The following CNRIP1 variants were observed in gnomAD, a reference collection of about 807,000 sequenced individuals.
CNRIP1 encodes the protein cannabinoid receptor interacting protein 1, also known as CB1 cannabinoid receptor-interacting protein 1.
A neutral mutation model predicts 15.2 loss-of-function variants in CNRIP1; 10 were observed. The observed-to-expected ratio is 0.66, with a 90% CI of 0.41 to 1.12. CNRIP1 has a LOEUF of 1.12. Ranked by LOEUF, CNRIP1 falls within the 50% of genes most tolerant of loss-of-function variation. The probability of loss-of-function intolerance (pLI) is 0.00; values close to 1 mark genes in which losing one functional copy is unlikely to be tolerated. For synonymous variants in CNRIP1, 91 were observed against 83.2 expected (o/e 1.09, Z -0.51); for missense variants, 211 against 214.7 (o/e 0.98, Z 0.11).
Position 68,293,739 on chromosome 2 carries a change from G to GTA in CNRIP1, c.*121_*122dup. On this transcript the variant is annotated 3_prime_UTR_variant, in exon 3 of 3. Transcript: ENST00000263655. Reference sequence around the variant, plus strand: ...TACACTTTCAAAATAACCAGGGCTAGTAGGTCATTAGTACCAGATGGGGAA... The same window carrying GTA: ...TACACTTTCAAAATAACCAGGGCTAGTATAGGTCATTAGTACCAGATGGGGAA... 1 of 1,489,100 alleles carries GTA rather than the reference G, an allele frequency of 6.7e-7. No homozygotes were observed. The highest frequency in any genetic ancestry group is 1.4e-5 in the South Asian group (1 of 71,572). 92.2% of individuals were successfully genotyped at this position (1,489,100 alleles called of 1,614,324 possible).
rs188750926 is a variant in CNRIP1 at position 68,319,723 on chromosome 2, G to A, written c.-323C>T. On this transcript the variant is annotated 5_prime_UTR_variant, in exon 1 of 3. Coordinates refer to ENST00000263655, the MANE Select transcript of CNRIP1 (RefSeq NM_015463.3). ...GGCTCGCTCTGGCCCGCAGGCCGCC[G>A]CGCAGATCCGCGCAGCTGGGGGCGA... 17 of 302,600 alleles carry A rather than the reference G, an allele frequency of 5.6e-5. No homozygotes were observed. The highest frequency in any genetic ancestry group is 2.1e-4 in the Admixed American group (4 of 18,938). The allele number at this position is 302,600 out of a possible 1,614,324, so 18.7% of individuals were successfully genotyped here.
chr2:68,317,375 A>G, intron 1 of CNRIP1, 68 bp from the exon 2 acceptor site: 1 of 1,548,562 alleles, frequency 6.5e-7, no homozygotes, highest in South Asian at 1.2e-5. Flanking sequence ...GTTTTGGACC[A>G]AAACTCTAGG....
Position 68,293,032 on chromosome 2 carries a change from G to A in CNRIP1, c.*830C>T. 1 of 985,400 alleles carries A rather than the reference G, an allele frequency of 1.0e-6. No homozygotes were observed. The highest frequency in any genetic ancestry group is 1.2e-6 in the Non-Finnish European group (1 of 829,910). The allele number at this position is 985,400 out of a possible 1,614,324, so 61.0% of individuals were successfully genotyped here. Reference sequence around the variant, plus strand: ...GCATGATTTTCAACGCCTTTATTAAGAAATATCAAAAGTTGATTACAGGTC... The same window carrying A: ...GCATGATTTTCAACGCCTTTATTAAAAAATATCAAAAGTTGATTACAGGTC... On this transcript the variant is annotated 3_prime_UTR_variant, in exon 3 of 3. Transcript: ENST00000263655.
chr2:68,317,016 C>G, intron 2 of CNRIP1, 141 bp downstream of exon 2: 1 of 1,030,628 alleles, frequency 9.7e-7, no homozygotes, highest in South Asian at 1.3e-5. Flanking sequence ...CCAGCAGATG[C>G]TTGAAGGAAA....
chr2:68,291,836 G>A (rs1206523547), downstream of CNRIP1, among the ~76,000 whole-genome samples: 1 of 139,272 alleles, frequency 7.2e-6, no homozygotes, highest in Non-Finnish European at 1.5e-5. Context: ...ACAAGATCAT[G>A]CCACTGCACT....
chr2:68,285,891 T>C (rs933464585), intron 2 of CNRIP1, among the ~76,000 whole-genome samples: 1 of 152,160 alleles, frequency 6.6e-6, no homozygotes, highest in African/African-American at 2.4e-5. Context: ...GTATCCAAGC[T>C]TTATTTTAAG....
intron 2 of CNRIP1, among the ~76,000 whole-genome samples, chr2:68,284,810 C>CAA (rs146572383): frequency 0.052 from 3,803 of 73,630 alleles, 205 homozygotes; most frequent in African/African-American, 0.15. Context: ...GACTCTGTCT[C>CAA]AAAAAAAAAA....
intron 2 of CNRIP1, among the ~76,000 whole-genome samples, chr2:68,306,752 G>A (rs1671865062): frequency 6.7e-6 from 1 of 148,990 alleles, no homozygotes; most frequent in South Asian, 2.1e-4. Context: ...TTGTACCACA[G>A]CATGGGTGAC....
At chr2:68,297,567 C>CAAAAAAAAA (rs112601365) in intron 2 of CNRIP1, among the ~76,000 whole-genome samples, 65 of 98,872 alleles carry the variant, frequency 6.6e-4, no homozygotes, top group Middle Eastern at 6.8e-3. Context: ...GACACTGTCT[C>CAAAAAAAAA]AAAAAAAAAA....
chr2:68,292,224 T>TA (rs143679421), downstream of CNRIP1, among the ~76,000 whole-genome samples: 2,092 of 150,464 alleles, frequency 0.014, 47 homozygotes, highest in African/African-American at 0.046. Context: ...ATGAAGACTT[T>TA]AAAAAAAAAC....
At chr2:68,304,934 A>G (rs1671755030) in intron 2 of CNRIP1, among the ~76,000 whole-genome samples, 1 of 152,116 alleles carries the variant, frequency 6.6e-6, no homozygotes, top group African/African-American at 2.4e-5. Flanking sequence ...CAACATTTCA[A>G]ACTTATGTAT....
intron 2 of CNRIP1, among the ~76,000 whole-genome samples, chr2:68,309,287 C>A (rs1337318999): frequency 6.6e-6 from 1 of 152,186 alleles, no homozygotes; most frequent in East Asian, 1.9e-4. Context: ...GGATGTTTTC[C>A]TCAGAAAAAC....
Position 68,293,549 on chromosome 2 carries a change from A to G in CNRIP1, c.*313T>C. On this transcript the variant is annotated 3_prime_UTR_variant, in exon 3 of 3. Transcript: ENST00000263655. ...AAAGTTAGTCAGTGGAATGGTCAAGAGCAGGACAAGCCTGCCAGGGCCACT... is the reference window on the plus strand; with the variant it reads ...AAAGTTAGTCAGTGGAATGGTCAAGGGCAGGACAAGCCTGCCAGGGCCACT... The G allele has an allele frequency of 2.8e-6, 3 of 1,057,454 alleles. No homozygotes were observed. The highest frequency in any genetic ancestry group is 3.4e-6 in the Non-Finnish European group (3 of 873,300). 65.5% of individuals were successfully genotyped at this position (1,057,454 alleles called of 1,614,324 possible).
chr2:68,284,392 T>C lies in CNRIP1; in HGVS notation c.*36A>G. 3 of 1,347,672 alleles carry C rather than the reference T, an allele frequency of 2.2e-6. No individual in the cohort carries two copies. In the South Asian group the frequency reaches 4.5e-5, roughly 20 times the overall value. The allele number at this position is 1,347,672 out of a possible 1,614,324, so 83.5% of individuals were successfully genotyped here. A position where few individuals can be genotyped will look rare whatever the true frequency, so the allele number is the denominator to read the frequency against. ...TAATTTGGAAAAAAAAAAAAGAACATTTGTTCCTCATGATGGCACACATTG... is the reference window on the plus strand; with the variant it reads ...TAATTTGGAAAAAAAAAAAAGAACACTTGTTCCTCATGATGGCACACATTG... On this transcript the variant is annotated 3_prime_UTR_variant, in exon 3 of 3. Transcript: ENST00000409559.
chr2:68,307,387 T>A (rs1211934969), intron 2 of CNRIP1, among the ~76,000 whole-genome samples: 1 of 152,234 alleles, frequency 6.6e-6, no homozygotes, highest in Non-Finnish European at 1.5e-5. Flanking sequence ...AGTGGTTTGA[T>A]CATAGCTCAC....
downstream of CNRIP1, among the ~76,000 whole-genome samples, chr2:68,290,465 G>A (rs1244063838): frequency 6.6e-6 from 1 of 151,926 alleles, no homozygotes; most frequent in Non-Finnish European, 1.5e-5. Context: ...TTTAATACAG[G>A]ATTATTTATG....
intron 2 of CNRIP1, among the ~76,000 whole-genome samples, chr2:68,305,258 AAATAT>A (rs1363661252): frequency 4.7e-5 from 2 of 42,748 alleles, no homozygotes; most frequent in Non-Finnish European, 1.0e-4. Flanking sequence ...AAAAAAAAAA[AAATAT>A]ATATATATAT....
At chr2:68,297,718 ACAAT>A (rs1364174337) in intron 2 of CNRIP1, among the ~76,000 whole-genome samples, 1 of 152,212 alleles carries the variant, frequency 6.6e-6, no homozygotes, top group East Asian at 1.9e-4. Flanking sequence ...AGTGCCAGAA[ACAAT>A]CTAAGCATCC....
chr2:68,294,278 C>T (rs1404072970), intron 2 of CNRIP1, among the ~76,000 whole-genome samples: 1 of 152,176 alleles, frequency 6.6e-6, no homozygotes, highest in Non-Finnish European at 1.5e-5. Context: ...GTGCCACTCG[C>T]TATCATATTG....
Sources: gnomAD v4.1 joint callset for allele counts (sites outside exome capture counted in the v4.1 genomes callset) on GRCh38, gnomAD v4.1.1 for gene constraint, MANE v1.5 for transcripts, NCBI Gene and HGNC (gene_info 2026-07-23, HGNC 2026-07-21) for gene names.